Variants in MED13L observed in about 807,000 individuals in gnomAD.
The protein encoded by MED13L is mediator complex subunit 13L, also known as mediator of RNA polymerase II transcription subunit 13-like.
A neutral mutation model predicts 220.9 loss-of-function variants in MED13L; 7 were observed. The observed-to-expected ratio is 0.03, with a 90% confidence interval of 0.02 to 0.06. MED13L has a LOEUF of 0.06. MED13L is among the 10% of genes least tolerant of loss of function. The pLI is 1.00. For synonymous variants in MED13L, 1,011 were observed against 1,015.2 expected (o/e 1.00, Z 0.08); for missense variants, 1,965 against 2,760.5 (o/e 0.71, Z 6.46).
At chr12:115,980,635 A>G (rs552024601) in intron 23 of MED13L, 115 bp downstream of exon 23, 63 of 1,109,048 alleles carry the variant, frequency 5.7e-5, no homozygotes, top group Non-Finnish European at 7.1e-5. Flanking sequence ...AGCAACTCTT[A>G]TATCAATGTA....
chr12:116,056,218 A>T (rs535364912), intron 4 of MED13L, among the ~76,000 whole-genome samples: 1 of 152,194 alleles, frequency 6.6e-6, no homozygotes, highest in African/African-American at 2.4e-5. Flanking sequence ...CAACGACTAA[A>T]ATTTTTGTCC....
At chr12:116,028,442 T>C (rs931630414) in intron 4 of MED13L, among the ~76,000 whole-genome samples, 2 of 152,154 alleles carry the variant, frequency 1.3e-5, no homozygotes. Context: ...CTCTTTCTGA[T>C]TCGGGGGGAA....
chr12:115,981,320 C>T (rs950572707), intron 22 of MED13L, among the ~76,000 whole-genome samples: 5 of 151,970 alleles, frequency 3.3e-5, no homozygotes, highest in Non-Finnish European at 7.4e-5. Context: ...GGAATTATTA[C>T]CTAATCATTT....
At chr12:116,066,644 G>C (rs1869949583) in intron 4 of MED13L, among the ~76,000 whole-genome samples, 1 of 151,546 alleles carries the variant, frequency 6.6e-6, no homozygotes, top group Non-Finnish European at 1.5e-5. Flanking sequence ...GTAACACTAT[G>C]ATTATAAACA....
intron 4 of MED13L, among the ~76,000 whole-genome samples, chr12:116,050,490 T>A (rs1868390337): frequency 6.6e-6 from 1 of 152,046 alleles, no homozygotes; most frequent in Non-Finnish European, 1.5e-5. Context: ...CAAGTTCGGC[T>A]AATAGAAAAG....
At chr12:116,082,410 T>A (rs907633194) in intron 4 of MED13L, among the ~76,000 whole-genome samples, 2 of 152,194 alleles carry the variant, frequency 1.3e-5, no homozygotes, top group African/African-American at 4.8e-5. Context: ...GAAGTGTTGG[T>A]GGTTTGTAAG....
chr12:115,988,057 T>C (rs1423087397), intron 17 of MED13L, among the ~76,000 whole-genome samples: 4 of 152,198 alleles, frequency 2.6e-5, no homozygotes, highest in African/African-American at 9.7e-5. Context: ...AAAGAGCTAA[T>C]GACGCTGGAG....
At chr12:116,195,453 T>G (rs140682124) in intron 2 of MED13L, among the ~76,000 whole-genome samples, 1 of 152,296 alleles carries the variant, frequency 6.6e-6, no homozygotes, top group East Asian at 1.9e-4. Flanking sequence ...AATAGTATGC[T>G]TAAAATTTTT....
At chr12:116,228,866 GA>G (rs142770577) in intron 2 of MED13L, among the ~76,000 whole-genome samples, 1,777 of 152,140 alleles carry the variant, frequency 0.012, 33 homozygotes, top group African/African-American at 0.038. Context: ...ATAAAACTAA[GA>G]AAATATTTTG....
At chr12:116,095,856 T>C (rs538738987) in intron 4 of MED13L, among the ~76,000 whole-genome samples, 2 of 152,298 alleles carry the variant, frequency 1.3e-5, no homozygotes, top group Admixed American at 6.5e-5. Flanking sequence ...TAAAATTCCA[T>C]GTCTGTATAG....
rs185822303 is a variant in MED13L, at chr12:116,051,034, T to C, written c.480-28433A>G. Among the ~76,000 whole-genome samples the C allele has an allele frequency of 1.9e-4, 29 of 152,320 alleles. No homozygotes were observed. In the East Asian group the frequency reaches 5.2e-3, roughly 27 times the overall value. On this transcript the variant is annotated intron_variant, in intron 4 of 30. Transcript: ENST00000281928. ...ACAACATATCTTTAAATGTATATTGTACAAAACTGTATGCATAATACGGAA... is the reference window on the plus strand; with the variant it reads ...ACAACATATCTTTAAATGTATATTGCACAAAACTGTATGCATAATACGGAA...
intron 7 of MED13L, among the ~76,000 whole-genome samples, chr12:116,016,467 G>A (rs760481104): frequency 6.6e-6 from 1 of 152,092 alleles, no homozygotes; most frequent in African/African-American, 2.4e-5. Flanking sequence ...TTTTACAATT[G>A]CTTTTCAAAC....
chr12:116,008,334 G>A (rs946000912), intron 10 of MED13L, 67 bp downstream of exon 10: 5 of 1,528,580 alleles, frequency 3.3e-6, no homozygotes, highest in Middle Eastern at 2.5e-4. Flanking sequence ...AAGTTTAGCA[G>A]GTAGAGATGG....
intron 16 of MED13L, 110 bp from the exon 17 acceptor site, chr12:115,992,067 C>T (rs758524095): frequency 3.1e-6 from 3 of 981,494 alleles, no homozygotes; most frequent in Non-Finnish European, 4.7e-6. Flanking sequence ...TTTGTTTCTG[C>T]TATCACTGGG....
intron 4 of MED13L, among the ~76,000 whole-genome samples, chr12:116,042,863 G>A (rs538994609): frequency 2.6e-5 from 4 of 152,186 alleles, no homozygotes; most frequent in African/African-American, 9.6e-5. Context: ...ATAAAAAGAA[G>A]GAAATTTTAT....
intron 2 of MED13L, among the ~76,000 whole-genome samples, chr12:116,222,307 G>A (rs1357632243): frequency 1.3e-5 from 2 of 152,122 alleles, no homozygotes; most frequent in East Asian, 3.8e-4. Context: ...CACAGAAGTG[G>A]CATTGTATGA....
At chr12:115,969,368 C>T (rs1565984263) in intron 27 of MED13L, among the ~76,000 whole-genome samples, 1 of 152,128 alleles carries the variant, frequency 6.6e-6, no homozygotes, top group Non-Finnish European at 1.5e-5. Context: ...CTCTGCATAG[C>T]CTCCAAAGAC....
chr12:116,189,343 A>C (rs1238838529), intron 2 of MED13L, among the ~76,000 whole-genome samples: 1 of 151,828 alleles, frequency 6.6e-6, no homozygotes, highest in African/African-American at 2.4e-5. Context: ...TTCTAATTGG[A>C]CTAGTTGGAT....
intron 4 of MED13L, among the ~76,000 whole-genome samples, chr12:116,028,490 G>A (rs1880532188): frequency 6.6e-6 from 1 of 152,106 alleles, no homozygotes; most frequent in Non-Finnish European, 1.5e-5. Flanking sequence ...CAAGTTCAGA[G>A]CACAGTTGGA....
Sources: allele counts gnomAD v4.1 joint callset (sites outside exome capture counted in the v4.1 genomes callset), GRCh38; gene constraint gnomAD v4.1.1; transcripts MANE v1.5; gene names NCBI Gene and HGNC (gene_info 2026-07-23, HGNC 2026-07-21).